Variants in WWC2 observed in about 807,000 individuals in gnomAD.
The protein encoded by WWC2 is protein WWC2.
Under a neutral mutation model 138.5 loss-of-function variants are expected in WWC2, and 101 were observed. The ratio of observed to expected loss-of-function variants is 0.73; its 90% CI spans 0.62 to 0.86. The LOEUF (loss-of-function observed/expected upper bound fraction) is 0.86, where lower values mean the gene tolerates loss of function less well. Among genes scored for constraint, WWC2 ranks in the 40% least tolerant of loss-of-function variants. The pLI is 0.00. For synonymous variants in WWC2, 558 were observed against 538.4 expected, an observed-to-expected ratio of 1.04 and a Z score of -0.50; for missense variants, 1,420 against 1,419.4, an observed-to-expected ratio of 1.00 and a Z score of -0.01.
intron 4 of WWC2, among the ~76,000 whole-genome samples, chr4:183,219,114 T>C (rs1735848908): frequency 6.6e-6 from 1 of 152,176 alleles, no homozygotes; most frequent in African/African-American, 2.4e-5. Flanking sequence ...TGATTCATCT[T>C]ATGTAAGGTA....
intron 21 of WWC2, among the ~76,000 whole-genome samples, chr4:183,304,271 A>G (rs1738955264): frequency 6.6e-6 from 1 of 152,152 alleles, no homozygotes; most frequent in Non-Finnish European, 1.5e-5. Flanking sequence ...AGGAACCGAT[A>G]CTGGGGTAAG....
At chr4:183,271,779 G>A (rs923205831) in intron 16 of WWC2, among the ~76,000 whole-genome samples, 1 of 152,138 alleles carries the variant, frequency 6.6e-6, no homozygotes, top group African/African-American at 2.4e-5. Context: ...TGAGGCAGGC[G>A]AATTGCTTTT....
chr4:183,315,831 A>G lies in WWC2; in HGVS notation c.*102A>G. On this transcript the variant is annotated 3_prime_UTR_variant, in exon 23 of 23. Transcript: ENST00000403733. ...GTTTTGGTGTTTGGTTTTTTTTGGTAACGTAACTGTCAACTCTTGAAGAAC... is the reference window on the plus strand; with the variant it reads ...GTTTTGGTGTTTGGTTTTTTTTGGTGACGTAACTGTCAACTCTTGAAGAAC... The G allele has an allele frequency of 2.4e-6, 2 of 846,088 alleles. No individual in the cohort carries two copies. Among genetic ancestry groups the G allele is most frequent in the East Asian group, 2.7e-5 (1 of 36,586 alleles). 52.4% of individuals were successfully genotyped at this position (846,088 alleles called of 1,614,324 possible). A position where few individuals can be genotyped will look rare whatever the true frequency, so the allele number is the denominator to read the frequency against.
At chr4:183,299,062 T>C (rs964786542) in intron 21 of WWC2, among the ~76,000 whole-genome samples, 1 of 152,052 alleles carries the variant, frequency 6.6e-6, no homozygotes, top group Non-Finnish European at 1.5e-5. Flanking sequence ...TAAAGAAAAA[T>C]TTATTTCTCA....
chr4:183,175,423 G>A (rs572414432), intron 1 of WWC2, among the ~76,000 whole-genome samples: 1 of 151,958 alleles, frequency 6.6e-6, no homozygotes, highest in Admixed American at 6.6e-5. Flanking sequence ...CACCACACCC[G>A]GTTAATTTTT....
intron 8 of WWC2, among the ~76,000 whole-genome samples, chr4:183,250,612 A>C (rs1214304490): frequency 6.6e-6 from 1 of 152,192 alleles, no homozygotes; most frequent in Non-Finnish European, 1.5e-5. Context: ...ACAACAACAA[A>C]AAAGAGATTT....
intron 1 of WWC2, among the ~76,000 whole-genome samples, chr4:183,106,125 A>G (rs775372475): frequency 4.9e-4 from 74 of 151,552 alleles, no homozygotes; most frequent in Non-Finnish European, 7.4e-4. Flanking sequence ...CTGGGATTAT[A>G]GGCTCTCGCC....
intron 1 of WWC2, 115 bp from the exon 2 acceptor site, chr4:183,193,484 T>C (rs973955848): frequency 9.6e-5 from 83 of 866,870 alleles, no homozygotes; most frequent in Non-Finnish European, 1.4e-4. Flanking sequence ...CCTTGGTTTT[T>C]TTTTTTCTTT....
intron 1 of WWC2, among the ~76,000 whole-genome samples, chr4:183,117,274 G>A (rs969410625): frequency 2.1e-5 from 3 of 140,058 alleles, no homozygotes; most frequent in African/African-American, 5.5e-5. Flanking sequence ...AGGCTGGAGT[G>A]CAATGGCGTG....
intron 4 of WWC2, among the ~76,000 whole-genome samples, chr4:183,221,815 G>C (rs1735943762): frequency 6.6e-6 from 1 of 152,140 alleles, no homozygotes; most frequent in African/African-American, 2.4e-5. Flanking sequence ...ATGCAAAATG[G>C]TACAACCCTT....
chr4:183,164,368 TATATATAC>T (rs1433537878), intron 1 of WWC2, among the ~76,000 whole-genome samples: 307 of 7,500 alleles, frequency 0.041, 17 homozygotes, highest in Non-Finnish European at 0.25. Context: ...ATATATATAT[TATATATAC>T]ATATATATAT....
intron 16 of WWC2, among the ~76,000 whole-genome samples, chr4:183,280,242 T>G (rs948276142): frequency 1.4e-4 from 21 of 148,290 alleles, no homozygotes; most frequent in Admixed American, 1.0e-3. Context: ...TTTTTTTTTT[T>G]TTTTTTTTTT....
At chr4:183,254,092 A>G (rs1737066435) in intron 9 of WWC2, 93 bp downstream of exon 9, 2 of 1,506,952 alleles carry the variant, frequency 1.3e-6, no homozygotes, top group African/African-American at 1.4e-5. Context: ...TCTCAATTGC[A>G]TCTGTTCTTA....
intron 18 of WWC2, among the ~76,000 whole-genome samples, chr4:183,283,810 T>C (rs927448344): frequency 6.6e-6 from 1 of 152,248 alleles, no homozygotes; most frequent in South Asian, 2.1e-4. Flanking sequence ...ATTATCTTTA[T>C]CATTTATTTG....
intron 21 of WWC2, among the ~76,000 whole-genome samples, chr4:183,305,603 T>A (rs1739000634): frequency 6.6e-6 from 1 of 152,168 alleles, no homozygotes; most frequent in Non-Finnish European, 1.5e-5. Flanking sequence ...GAGAGTGAGA[T>A]GCAATAATTT....
intron 1 of WWC2, among the ~76,000 whole-genome samples, chr4:183,133,140 TTTCTTTTTTTTC>T (rs1362469307): frequency 1.1e-4 from 15 of 137,658 alleles, no homozygotes; most frequent in African/African-American, 4.4e-4. Context: ...CTTTTCTTTC[TTTCTTTTTTTTC>T]TTTTTTTTTT....
In WWC2 at chr4:183,103,726, C is replaced by T. The variant is rs139692160; in HGVS notation, c.131+4104C>T. Among the ~76,000 whole-genome samples, 365 of 151,248 alleles carry T rather than the reference C, an allele frequency of 2.4e-3. 1 individual carries two copies. The highest frequency in any genetic ancestry group is 8.3e-3 in the African/African-American group (340 of 41,118). On this transcript the variant is annotated intron_variant, in intron 1 of 22. Transcript: ENST00000403733. ...CATCTCGCCTCACTGCAACCTCCGC[C>T]GCCTGGGTTCAAGTGATTCTCATGC...
intron 4 of WWC2, among the ~76,000 whole-genome samples, chr4:183,221,516 A>T (rs1394840709): frequency 6.6e-6 from 1 of 152,244 alleles, no homozygotes; most frequent in African/African-American, 2.4e-5. Flanking sequence ...TATGAAAAGA[A>T]GTCTCAGTAC....
chr4:183,277,167 T>A (rs1040118856), intron 16 of WWC2, among the ~76,000 whole-genome samples: 1 of 138,134 alleles, frequency 7.2e-6, no homozygotes, highest in African/African-American at 2.7e-5. Flanking sequence ...AGTGTGATAT[T>A]CCTCTTCCTG....
Sources: gnomAD v4.1 joint callset for allele counts (sites outside exome capture counted in the v4.1 genomes callset) on GRCh38, gnomAD v4.1.1 for gene constraint, MANE v1.5 for transcripts, NCBI Gene and HGNC (gene_info 2026-07-23, HGNC 2026-07-21) for gene names.